The following ZNF292 variants were observed in gnomAD, a reference collection of about 807,000 sequenced individuals.
ZNF292 encodes zinc finger protein 292, also known as 16 zinc-finger domain protein.
Under a neutral mutation model 217.9 loss-of-function variants are expected in ZNF292, and 26 were observed. The ratio of observed to expected loss-of-function variants is 0.12; its 90% CI spans 0.09 to 0.17. The LOEUF is 0.17. Among genes scored for constraint, ZNF292 ranks in the 10% least tolerant of loss-of-function variants. ZNF292 has a pLI of 1.00. For missense variants in ZNF292, 2,904 were observed against 3,175.2 expected (o/e 0.91, Z 2.05); for synonymous variants, 1,257 against 1,124.1 (o/e 1.12, Z -2.37).
chr6:87,260,956 G>A lies in ZNF292; in HGVS notation c.7327G>A (p.Gly2443Ser). Residue 2443 changes from glycine (G) to serine (S), a missense_variant, in exon 8 of 8, where the codon GGT becomes AGT. Coordinates refer to ENST00000369577, the MANE Select transcript of ZNF292 (RefSeq NM_015021.3). The part of the protein sequence containing the change: ...SQVKETSEQE[G>S]AKNDVKDSDT... ...AGTAAAGGAAACGTCTGAGCAAGAA[G>A]GTGCTAAGAATGATGTGAAAGATTC... 1 of 1,610,326 alleles carries A rather than the reference G, an allele frequency of 6.2e-7. No homozygotes were observed. Among genetic ancestry groups the A allele is most frequent in the Non-Finnish European group, 8.5e-7 (1 of 1,178,088 alleles).
chr6:87,204,862 C>G (rs1325083110), intron 1 of ZNF292, among the ~76,000 whole-genome samples: 1 of 152,062 alleles, frequency 6.6e-6, no homozygotes, highest in African/African-American at 2.4e-5. Flanking sequence ...CTGCGCCTGG[C>G]CACATTTAGG....
At chr6:87,235,569 A>T (rs573895789) in intron 5 of ZNF292, among the ~76,000 whole-genome samples, 2 of 119,714 alleles carry the variant, frequency 1.7e-5, no homozygotes, top group South Asian at 2.3e-4. Flanking sequence ...AAAATCTAGT[A>T]AAAAAAAAAA....
At chr6:87,243,382 C>A in intron 5 of ZNF292, 93 bp from the exon 6 acceptor site, 41 of 1,004,816 alleles carry the variant, frequency 4.1e-5, no homozygotes, top group Middle Eastern at 2.7e-4. Context: ...TTCATAAAAA[C>A]TATCTAAATA....
intron 1 of ZNF292, among the ~76,000 whole-genome samples, chr6:87,168,048 A>G (rs1243240813): frequency 2.6e-5 from 4 of 152,240 alleles, no homozygotes; most frequent in Non-Finnish European, 4.4e-5. Context: ...CCTAATTTCC[A>G]TAATCTGCAA....
At chr6:87,212,967 C>T (rs188436585) in intron 1 of ZNF292, among the ~76,000 whole-genome samples, 1 of 152,262 alleles carries the variant, frequency 6.6e-6, no homozygotes, top group African/African-American at 2.4e-5. Flanking sequence ...CAAAAGAAAA[C>T]TTCCCTTCAT....
chr6:87,258,547 G>C lies in ZNF292; in HGVS notation c.4918G>C (p.Ala1640Pro), dbSNP rs142919790. 2,395 of 1,613,664 alleles carry C rather than the reference G, an allele frequency of 1.5e-3. 28 individuals are homozygous for C. In the East Asian group the frequency reaches 0.034, roughly 23 times the overall value. Residue 1640 changes from alanine (A) to proline (P), a missense_variant, in exon 8 of 8, where the codon GCA (alanine) becomes CCA (proline). Around this residue, in one of 15 missense-constraint regions of ZNF292, gnomAD observed 622 missense variants for 573.1 expected, o/e 1.09. Coordinates refer to ENST00000369577, the MANE Select transcript of ZNF292 (RefSeq NM_015021.3). ...AAAGAAAGTTGCTCCTCCACTAATT[G>C]CACCTAACGCTTCCCAAAACTTGGT... ...RRKKVAPPLI[A>P]PNASQNLVTS...
intron 7 of ZNF292, among the ~76,000 whole-genome samples, chr6:87,253,342 C>T (rs1373832987): frequency 6.6e-6 from 1 of 151,308 alleles, no homozygotes; most frequent in Non-Finnish European, 1.5e-5. Context: ...GATCCTCCTT[C>T]CTCAGCCCCA....
intron 1 of ZNF292, chr6:87,214,958 C>T (rs989260746): frequency 6.6e-6 from 1 of 151,824 alleles, no homozygotes; most frequent in African/African-American, 2.4e-5. Flanking sequence ...GATACAGGCC[C>T]TCAGGAAATT....
intron 1 of ZNF292, among the ~76,000 whole-genome samples, chr6:87,171,930 A>G (rs1438162438): frequency 6.6e-6 from 1 of 152,234 alleles, no homozygotes; most frequent in African/African-American, 2.4e-5. Context: ...ATTGAACATT[A>G]AACTATGAGA....
chr6:87,243,625 T>C lies in ZNF292; in HGVS notation c.878+14T>C. ...GTACTGCGCTTGGTGAGTTGATCTT[T>C]TTTTTTTTAAAGAAATATTTGTTAA... On this transcript the variant is annotated intron_variant, in intron 6 of 7. Coordinates refer to ENST00000369577, the MANE Select transcript of ZNF292 (RefSeq NM_015021.3). 6.9e-7 allele frequency: 1 copy of C among 1,447,198 alleles called. No individual in the cohort carries two copies. Among genetic ancestry groups the C allele is most frequent in the South Asian group, 1.5e-5 (1 of 66,450 alleles). The allele number at this position is 1,447,198 out of a possible 1,614,324, so 89.6% of individuals were successfully genotyped here. A position where few individuals can be genotyped will look rare whatever the true frequency, so the allele number is the denominator to read the frequency against.
At chr6:87,234,428 G>A (rs569154734) in intron 5 of ZNF292, among the ~76,000 whole-genome samples, 6 of 151,990 alleles carry the variant, frequency 3.9e-5, no homozygotes, top group South Asian at 2.1e-4. Flanking sequence ...GCATGGTGGC[G>A]GGCACCTGTA....
At chr6:87,181,573 G>A (rs4235830) in intron 1 of ZNF292, among the ~76,000 whole-genome samples, 56,845 of 151,964 alleles carry the variant, frequency 0.37, 11,142 homozygotes, top group Admixed American at 0.52. Context: ...CTTCAGACTT[G>A]AGTGTGGGGC....
chr6:87,261,702 C>A lies in ZNF292; in HGVS notation c.8073C>A (p.Thr2691=), dbSNP rs544962692. 1.9e-6 allele frequency: 3 copies of A among 1,612,820 alleles called. No homozygotes were observed. The highest frequency in any genetic ancestry group is 2.7e-5 in the African/African-American group (2 of 74,948). The part of the protein sequence containing the change: ...VLKQLQEMKP[T]VSLKKLEVHS... Reference sequence around the variant, plus strand: ...AGCAACTTCAGGAAATGAAACCTACCGTCAGTCTGAAAAAACTTGAAGTAC... The same window carrying A: ...AGCAACTTCAGGAAATGAAACCTACAGTCAGTCTGAAAAAACTTGAAGTAC... Residue 2691 remains threonine (T), a synonymous_variant, in exon 8 of 8, where the codon ACC becomes ACA. Transcript: ENST00000369577.
In ZNF292 at chr6:87,260,576, G is replaced by A. The variant is rs1444719528; in HGVS notation, c.6947G>A (p.Arg2316Gln). 24 of 1,612,916 alleles carry A rather than the reference G, an allele frequency of 1.5e-5. No homozygotes were observed. The highest frequency in any genetic ancestry group is 8.9e-5 in the East Asian group (4 of 44,870). The change falls in exon 8 of 8, where the codon CGG becomes CAG. Residue 2316 changes from arginine (R) to glutamine (Q), a missense_variant. Transcript: ENST00000369577. The part of the protein sequence containing the change: ...ANQEKSKSKH[R>Q]GTKHSRCGKE... ...CAAGAAAAATCAAAGTCTAAACATCGGGGGACCAAGCACAGCAGATGTGGA... is the reference window on the plus strand; with the variant it reads ...CAAGAAAAATCAAAGTCTAAACATCAGGGGACCAAGCACAGCAGATGTGGA...
Position 87,155,616 on chromosome 6 carries a change from G to C in ZNF292, c.25G>C (p.Glu9Gln). The change falls in exon 1 of 8, where the codon GAG (glutamate) becomes CAG (glutamine). Residue 9 changes from glutamate (E) to glutamine (Q), a missense_variant. This residue lies in a region of ZNF292 where 66 missense variants were observed against 44.1 expected (regional missense o/e 1.50). Coordinates refer to ENST00000369577, the MANE Select transcript of ZNF292 (RefSeq NM_015021.3). ...GATGGCGGACGAAGAGGCCGAGCAG[G>C]AGAGGTTGAGTTGCGGCGAAGGCGG... The part of the protein sequence containing the change: MADEEAEQ[E>Q]RLSCGEGGCV... 1.9e-6 allele frequency: 3 copies of C among 1,583,230 alleles called. No individual in the cohort carries two copies. The highest frequency in any genetic ancestry group is 1.9e-4 in the Middle Eastern group (1 of 5,398).
intron 4 of ZNF292, among the ~76,000 whole-genome samples, chr6:87,229,115 A>G (rs188405757): frequency 8.5e-5 from 13 of 152,296 alleles, no homozygotes; most frequent in Admixed American, 7.8e-4. Context: ...TCTTTAGTCT[A>G]CAGGTCTTTC....
chr6:87,224,335 T>C (rs1008840200), intron 4 of ZNF292, among the ~76,000 whole-genome samples: 9 of 152,084 alleles, frequency 5.9e-5, no homozygotes, highest in Admixed American at 5.2e-4. Flanking sequence ...TTTTTTTCAA[T>C]TTGCATACCT....
chr6:87,211,366 A>G (rs1388907683), intron 1 of ZNF292, among the ~76,000 whole-genome samples: 1 of 152,182 alleles, frequency 6.6e-6, no homozygotes, highest in African/African-American at 2.4e-5. Flanking sequence ...AGATTTGTGA[A>G]TTTGGCTAAT....
intron 1 of ZNF292, among the ~76,000 whole-genome samples, chr6:87,179,845 C>T (rs1771416881): frequency 6.6e-6 from 1 of 152,148 alleles, no homozygotes. Flanking sequence ...TGTACGGAGA[C>T]ATTACAGCAA....
Sources: gnomAD v4.1 joint callset for allele counts (sites outside exome capture counted in the v4.1 genomes callset) on GRCh38, gnomAD v4.1.1 for gene constraint, gnomAD v4.1.1 regional missense constraint, MANE v1.5 for transcripts, NCBI Gene and HGNC (gene_info 2026-07-23, HGNC 2026-07-21) for gene names.